HEPH: variants seen among roughly 807,000 people sequenced by gnomAD.
HEPH encodes hephaestin.
Under a neutral mutation model 80.8 loss-of-function variants are expected in HEPH, and 69 were observed. The ratio of observed to expected loss-of-function variants is 0.85; its 90% confidence interval spans 0.70 to 1.04. The LOEUF (loss-of-function observed/expected upper bound fraction) is 1.04, where lower values mean the gene tolerates loss of function less well. HEPH is among the 50% of genes least tolerant of loss of function. HEPH has a pLI of 0.00. For synonymous variants in HEPH, 431 were observed against 322.8 expected (o/e 1.34, Z -3.60); for missense variants, 1,115 against 891.3 (o/e 1.25, Z -3.20).
chrX:66,234,823 A>T (rs1049158676), intron 15 of HEPH, among the ~76,000 whole-genome samples: 1 of 109,490 alleles, frequency 9.1e-6, no homozygotes, highest in Non-Finnish European at 1.9e-5. Flanking sequence ...TTTGTTTTGT[A>T]TTTTTAGTAG....
intron 18 of HEPH, among the ~76,000 whole-genome samples, chrX:66,259,467 G>A (rs939131995): frequency 8.9e-6 from 1 of 111,888 alleles, no homozygotes; most frequent in Non-Finnish European, 1.9e-5. Context: ...TGCTGAAAAA[G>A]ACAATGGCAA....
chrX:66,226,551 G>C (rs1038436444), intron 15 of HEPH, among the ~76,000 whole-genome samples: 2 of 111,985 alleles, frequency 1.8e-5, no homozygotes, highest in East Asian at 2.8e-4. Context: ...CCGTTAGGGA[G>C]ATTAACCAAG....
rs745688573 is a variant in HEPH at position 66,196,765 on chromosome X, A to G, written c.1502-918A>G. ...CTTGTAGGCAAACGACAGCATCAAC[A>G]AAACTCACTGTTGTTTTGATTTACA... On this transcript the variant is annotated intron_variant, in intron 9 of 20. Coordinates refer to ENST00000343002, the MANE Select transcript of HEPH (RefSeq NM_001367233.3). Among the ~76,000 whole-genome samples the G allele has an allele frequency of 9.8e-5, 11 of 112,098 alleles. No individual in the cohort carries two copies. The South Asian group carries it at 4.1e-3, about 42-fold the overall frequency.
rs139056103 is a variant in HEPH at position 66,195,160 on chromosome X, C to T, written c.1432C>T (p.Gln478Ter). ...IQVVFYNRAS[Q>*]PFSMQPHGVF... Reference sequence around the variant, plus strand: ...GGTGGTCTTCTACAACCGTGCCTCCCAGCCATTCAGCATGCAGCCCCATGG... The same window carrying T: ...GGTGGTCTTCTACAACCGTGCCTCCTAGCCATTCAGCATGCAGCCCCATGG... The change falls in exon 9 of 21, where the codon CAG becomes TAG. Residue 478 changes from glutamine (Q) to a stop codon, truncating the protein, a stop_gained. Coordinates refer to ENST00000343002, the MANE Select transcript of HEPH (RefSeq NM_001367233.3). LOFTEE classifies it high-confidence loss of function. 8.3e-7 allele frequency: 1 copy of T among 1,202,245 alleles called. No homozygotes were observed. The highest frequency in any genetic ancestry group is 1.8e-5 in the African/African-American group (1 of 56,610).
At chrX:66,255,250 TG>T (rs2091138400) in intron 16 of HEPH, 109 bp downstream of exon 16, 1 of 440,105 alleles carries the variant, frequency 2.3e-6, no homozygotes, top group African/African-American at 2.5e-5. Flanking sequence ...GCCTAGAATT[TG>T]GGGAACATTC....
In HEPH at chrX:66,200,287, A is replaced by G. The variant is rs771461528; in HGVS notation, c.1865-253A>G. On this transcript the variant is annotated intron_variant, in intron 11 of 20. Transcript: ENST00000343002. Reference sequence around the variant, plus strand: ...GTGTGTGTGTGTTTGGTAGTGGAGAATAGTTCAATGTTGTCAGGATGTGGA... The same window carrying G: ...GTGTGTGTGTGTTTGGTAGTGGAGAGTAGTTCAATGTTGTCAGGATGTGGA... Among the ~76,000 whole-genome samples, 3 of 96,153 alleles carry G rather than the reference A, an allele frequency of 3.1e-5. No homozygotes were observed. The East Asian group carries it at 8.7e-4, about 28-fold the overall frequency. The allele number at this position is 96,153 out of a possible 115,157, so 83.5% of individuals were successfully genotyped here.
chrX:66,178,722 T>A (rs2086941702), intron 4 of HEPH, among the ~76,000 whole-genome samples: 1 of 112,651 alleles, frequency 8.9e-6, no homozygotes, highest in Non-Finnish European at 1.9e-5. Flanking sequence ...TTCATGTGTC[T>A]TTTGGCTGCA....
At chrX:66,264,459 C>A (rs1343529223) in intron 20 of HEPH, among the ~76,000 whole-genome samples, 1 of 108,956 alleles carries the variant, frequency 9.2e-6, no homozygotes, top group Admixed American at 1.0e-4. Context: ...AGGAGTTAAA[C>A]CTTTGGAACC....
At chrX:66,217,422 C>A (rs1034472963) in intron 15 of HEPH, among the ~76,000 whole-genome samples, 1 of 111,531 alleles carries the variant, frequency 9.0e-6, no homozygotes, top group Admixed American at 9.5e-5. Context: ...AATTTTTTAA[C>A]CAGCAAAACT....
chrX:66,181,146 C>T (rs2087129221), intron 4 of HEPH, among the ~76,000 whole-genome samples: 1 of 17,966 alleles, frequency 5.6e-5, no homozygotes, highest in Admixed American at 8.7e-4. Context: ...GTGAATAGTG[C>T]CGCAATAAAC....
At chrX:66,253,359 C>G (rs760909698) in intron 15 of HEPH, among the ~76,000 whole-genome samples, 29 of 112,401 alleles carry the variant, frequency 2.6e-4, no homozygotes, top group African/African-American at 9.0e-4. Context: ...AGAGAAGATT[C>G]TCAACATGGT....
intron 12 of HEPH, among the ~76,000 whole-genome samples, chrX:66,201,619 C>T (rs1345105975): frequency 2.7e-5 from 3 of 111,591 alleles, no homozygotes; most frequent in Non-Finnish European, 5.6e-5. Context: ...GTCAGCTCCA[C>T]GCAGTTCCTA....
chrX:66,254,783 GA>G (rs963025211), intron 15 of HEPH, among the ~76,000 whole-genome samples: 5 of 69,160 alleles, frequency 7.2e-5, no homozygotes, highest in Admixed American at 2.1e-4. Flanking sequence ...TAAAAGCAGA[GA>G]AAAAAAAGTA....
At chrX:66,197,055 A>C (rs1293902324) in intron 9 of HEPH, among the ~76,000 whole-genome samples, 1 of 110,720 alleles carries the variant, frequency 9.0e-6, no homozygotes, top group East Asian at 2.8e-4. Context: ...ATTAATTTGT[A>C]AAAAAGTTAT....
At chrX:66,241,556 A>G (rs761257039) in intron 15 of HEPH, among the ~76,000 whole-genome samples, 1 of 111,904 alleles carries the variant, frequency 8.9e-6, no homozygotes, top group Middle Eastern at 4.6e-3. Context: ...ACAGGAAGAC[A>G]TAACTATCCT....
At chrX:66,244,897 T>G (rs191346727) in intron 15 of HEPH, among the ~76,000 whole-genome samples, 32 of 110,294 alleles carry the variant, frequency 2.9e-4, no homozygotes, top group African/African-American at 9.9e-4. Context: ...GTAGAATGTT[T>G]TTTTTTTTTT....
intron 4 of HEPH, 41 bp downstream of exon 4, chrX:66,173,842 C>A: frequency 9.9e-7 from 1 of 1,009,958 alleles, no homozygotes; most frequent in Non-Finnish European, 1.4e-6. Flanking sequence ...TAGTTTGGGA[C>A]ATCTAGGGGT....
chrX:66,182,357 G>GTT (rs1370939969), intron 4 of HEPH, among the ~76,000 whole-genome samples: 7 of 5,473 alleles, frequency 1.3e-3, no homozygotes, highest in Admixed American at 3.6e-3. Flanking sequence ...CCATTTGTTT[G>GTT]TGTCCTCTTT....
chrX:66,212,226 G>T (rs1293296950), intron 15 of HEPH, among the ~76,000 whole-genome samples: 1 of 105,048 alleles, frequency 9.5e-6, no homozygotes, highest in South Asian at 4.3e-4. Flanking sequence ...GAGTTTCTTG[G>T]TATTCTAGTA....
Sources: allele counts gnomAD v4.1 joint callset (sites outside exome capture counted in the v4.1 genomes callset), GRCh38; gene constraint gnomAD v4.1.1; transcripts MANE v1.5; gene names NCBI Gene and HGNC (gene_info 2026-07-23, HGNC 2026-07-21).